COL23A1: variants seen among roughly 807,000 people sequenced by gnomAD.
The protein encoded by COL23A1 is collagen type XXIII alpha 1 chain.
COL23A1 carries 97 observed loss-of-function variants against 99.3 expected under a neutral mutation model. That is an observed-to-expected ratio of 0.98 (90% confidence interval 0.83 to 1.16). The LOEUF (loss-of-function observed/expected upper bound fraction) is 1.16. Ranked by LOEUF, COL23A1 falls within the 50% of genes most tolerant of loss-of-function variation. The probability of loss-of-function intolerance (pLI) is 0.00; values close to 1 mark genes in which losing one functional copy is unlikely to be tolerated. For synonymous variants in COL23A1, 320 were observed against 308.2 expected, an observed-to-expected ratio of 1.04 and a Z score of -0.40; for missense variants, 762 against 757.4, an observed-to-expected ratio of 1.01 and a Z score of -0.07.
At chr5:178,300,566 T>C (rs1581109089) in intron 3 of COL23A1, among the ~76,000 whole-genome samples, 2 of 152,176 alleles carry the variant, frequency 1.3e-5, no homozygotes, top group East Asian at 3.9e-4. Context: ...TTTTTTTTTT[T>C]TGAGACAGAG....
chr5:178,587,992 A>G (rs1000092318), intron 1 of COL23A1, among the ~76,000 whole-genome samples: 2 of 151,996 alleles, frequency 1.3e-5, no homozygotes, highest in Admixed American at 6.6e-5. Flanking sequence ...GCCAGCTTAC[A>G]CTCCACGCAC....
intron 1 of COL23A1, chr5:178,561,703 A>G (rs1255099281): frequency 6.6e-6 from 1 of 152,458 alleles, no homozygotes; most frequent in African/African-American, 2.4e-5. Flanking sequence ...CCCTAAAAGC[A>G]AAACAAAGAG....
chr5:178,545,948 G>T (rs1761554970), intron 2 of COL23A1, among the ~76,000 whole-genome samples: 1 of 152,152 alleles, frequency 6.6e-6, no homozygotes, highest in African/African-American at 2.4e-5. Flanking sequence ...CAAGGAGTTG[G>T]AGAGTTTTAA....
intron 2 of COL23A1, among the ~76,000 whole-genome samples, chr5:178,498,654 A>C (rs1303532088): frequency 6.6e-6 from 1 of 152,196 alleles, no homozygotes; most frequent in Non-Finnish European, 1.5e-5. Context: ...TTTAAGTCCG[A>C]ATAAATCAAT....
At chr5:178,392,369 C>T (rs573501419) in intron 2 of COL23A1, among the ~76,000 whole-genome samples, 2 of 152,176 alleles carry the variant, frequency 1.3e-5, no homozygotes, top group Non-Finnish European at 2.9e-5. Flanking sequence ...TCAAACAATG[C>T]ACCTACTGCA....
intron 13 of COL23A1, 102 bp from the exon 14 acceptor site, chr5:178,257,030 G>C (rs1765343102): frequency 9.9e-7 from 1 of 1,012,118 alleles, no homozygotes; most frequent in Middle Eastern, 2.6e-4. Context: ...TCGCGATTAG[G>C]CCTCCTGGCA....
In COL23A1 at chr5:178,238,050, C is replaced by G. The variant is rs545828873; in HGVS notation, c.*648G>C. 6.5e-6 allele frequency: 1 copy of G among 153,374 alleles called. No homozygotes were observed. The highest frequency in any genetic ancestry group is 2.0e-4 in the South Asian group (1 of 4,910). The allele number at this position is 153,374 out of a possible 1,614,324, so 9.5% of individuals were successfully genotyped here. A position where few individuals can be genotyped will look rare whatever the true frequency, so the allele number is the denominator to read the frequency against. The stretch of plus-strand genomic sequence containing the variant: ...TCCACATCACAGCGATCACAGAGCT[C>G]AGCCACTACTCCTGGCCAGAGGACA... On this transcript the variant is annotated 3_prime_UTR_variant, in exon 29 of 29. Transcript: ENST00000390654.
At chr5:178,576,442 C>A (rs910536438) in intron 1 of COL23A1, among the ~76,000 whole-genome samples, 1 of 152,168 alleles carries the variant, frequency 6.6e-6, no homozygotes, top group African/African-American at 2.4e-5. Context: ...GCCATACTGG[C>A]GAGGCTGGTC....
chr5:178,257,058 TG>T (rs1765344239), intron 13 of COL23A1, 130 bp from the exon 14 acceptor site: 4 of 768,954 alleles, frequency 5.2e-6, no homozygotes, highest in Non-Finnish European at 2.1e-6. Flanking sequence ...ACTGAGTCCA[TG>T]GGGGGTGTGG....
At chr5:178,586,304 C>T (rs1279178214) in intron 1 of COL23A1, among the ~76,000 whole-genome samples, 2 of 152,180 alleles carry the variant, frequency 1.3e-5, no homozygotes, top group African/African-American at 4.8e-5. Context: ...GGAGCTGTGA[C>T]CACACTATCA....
At chr5:178,345,673 C>T (rs1426315224) in intron 2 of COL23A1, among the ~76,000 whole-genome samples, 63 of 151,652 alleles carry the variant, frequency 4.2e-4, no homozygotes, top group Non-Finnish European at 4.6e-4. Flanking sequence ...CCCGCCACCA[C>T]GCCCGGCTAA....
chr5:178,557,995 C>T (rs1762371048), intron 2 of COL23A1, among the ~76,000 whole-genome samples: 1 of 151,754 alleles, frequency 6.6e-6, no homozygotes, highest in Admixed American at 6.6e-5. Flanking sequence ...AGGATGGCCT[C>T]CATCACAGCC....
At chr5:178,449,869 T>C (rs1019773531) in intron 2 of COL23A1, among the ~76,000 whole-genome samples, 2 of 152,148 alleles carry the variant, frequency 1.3e-5, no homozygotes, top group Non-Finnish European at 2.9e-5. Flanking sequence ...TCACGCGTTG[T>C]GTCCAAATGC....
At chr5:178,578,743 G>A (rs970778784) in intron 1 of COL23A1, among the ~76,000 whole-genome samples, 2 of 145,828 alleles carry the variant, frequency 1.4e-5, no homozygotes, top group Admixed American at 1.4e-4. Context: ...CGAAGCAGAT[G>A]TGTGTGAAGC....
chr5:178,282,772 G>A (rs1756966038), intron 5 of COL23A1, among the ~76,000 whole-genome samples: 1 of 152,216 alleles, frequency 6.6e-6, no homozygotes, highest in African/African-American at 2.4e-5. Flanking sequence ...GAGATGAAGG[G>A]TGACAGTCTT....
At chr5:178,248,884 A>G (rs1390505465) in intron 19 of COL23A1, among the ~76,000 whole-genome samples, 1 of 152,168 alleles carries the variant, frequency 6.6e-6, no homozygotes, top group East Asian at 1.9e-4. Context: ...ACAGCTCCTG[A>G]TTTTAGCTGC....
intron 2 of COL23A1, among the ~76,000 whole-genome samples, chr5:178,534,810 G>C (rs1760844451): frequency 6.6e-6 from 1 of 151,992 alleles, no homozygotes; most frequent in African/African-American, 2.4e-5. Context: ...ACAGTGCACA[G>C]AGCACATGTG....
chr5:178,587,006 T>G (rs1764038510), intron 1 of COL23A1, among the ~76,000 whole-genome samples: 1 of 152,260 alleles, frequency 6.6e-6, no homozygotes, highest in Non-Finnish European at 1.5e-5. Flanking sequence ...AAATCCATTG[T>G]AAGCTGGCAT....
Position 178,242,059 on chromosome 5 carries a change from C to T in COL23A1, c.1564G>A (p.Asp522Asn). 5 of 1,554,656 alleles carry T rather than the reference C, an allele frequency of 3.2e-6. No homozygotes were observed. Among genetic ancestry groups the T allele is most frequent in the Non-Finnish European group, 4.4e-6 (5 of 1,148,540 alleles). Residue 522 changes from aspartate (D) to asparagine (N), a missense_variant, in exon 27 of 29, where the codon GAC (aspartate) becomes AAC (asparagine). Transcript: ENST00000390654. ...ACACCTACCACGGGACACGGCTGGTCCAGGCCTGGTGGTCCCGGCTCGCCC... is the reference window on the plus strand; with the variant it reads ...ACACCTACCACGGGACACGGCTGGTTCAGGCCTGGTGGTCCCGGCTCGCCC... Reference protein sequence around the residue: ...QKGEPGPPGLDQPCPVGPDGL... With the variant: ...QKGEPGPPGLNQPCPVGPDGL...
Sources: gnomAD v4.1 joint callset for allele counts (sites outside exome capture counted in the v4.1 genomes callset) on GRCh38, gnomAD v4.1.1 for gene constraint, MANE v1.5 for transcripts, NCBI Gene and HGNC (gene_info 2026-07-23, HGNC 2026-07-21) for gene names.